TAPT1: variants seen among roughly 807,000 people sequenced by gnomAD.
The protein encoded by TAPT1 is transmembrane anterior posterior transformation 1, also known as transmembrane anterior posterior transformation protein 1 homolog.
In TAPT1, 28 loss-of-function variants were observed where a neutral mutation model predicts 65.6. The ratio of observed to expected loss-of-function variants is 0.43; its 90% CI spans 0.32 to 0.59. TAPT1 has a LOEUF of 0.59. Among genes scored for constraint, TAPT1 ranks in the 20% least tolerant of loss-of-function variants. TAPT1 has a pLI of 0.09. For missense variants in TAPT1, 563 were observed against 679.9 expected, an observed-to-expected ratio of 0.83 and a Z score of 1.91; for synonymous variants, 278 against 245.2, an observed-to-expected ratio of 1.13 and a Z score of -1.25.
At chr4:16,196,454 A>C (rs539249476) in intron 3 of TAPT1, among the ~76,000 whole-genome samples, 1 of 152,242 alleles carries the variant, frequency 6.6e-6, no homozygotes. Context: ...TGTTAGGTGA[A>C]ATCACAGTCA....
chr4:16,212,557 C>G (rs767744844), intron 2 of TAPT1, among the ~76,000 whole-genome samples: 1 of 152,218 alleles, frequency 6.6e-6, no homozygotes, highest in Non-Finnish European at 1.5e-5. Context: ...GCTGTTGCTG[C>G]GCTGGAGAGG....
chr4:16,198,970 T>C (rs1749877544), intron 3 of TAPT1, among the ~76,000 whole-genome samples: 1 of 152,116 alleles, frequency 6.6e-6, no homozygotes, highest in Non-Finnish European at 1.5e-5. Context: ...GAAACAAAAA[T>C]TGCAGCCTAT....
At chr4:16,217,530 T>C (rs923862906) in intron 1 of TAPT1, among the ~76,000 whole-genome samples, 1 of 152,214 alleles carries the variant, frequency 6.6e-6, no homozygotes. Flanking sequence ...TAAACTTTCA[T>C]GTGGGTGATT....
At position 16,179,786 on chromosome 4, in the gene TAPT1, CT is replaced by C. The variant is rs201873929; in HGVS notation, c.917-130del. 6.9e-3 allele frequency: 3,035 copies of C among 439,224 alleles called. 77 individuals are homozygous for C. In the African/African-American group the frequency reaches 0.071, roughly 10 times the overall value. 27.2% of individuals were successfully genotyped at this position (439,224 alleles called of 1,614,324 possible). On this transcript the variant is annotated intron_variant, in intron 7 of 13. Transcript: ENST00000405303. ...TGTATAAATGTCTATAAATATACAA[CT>C]TTATATATATATATATGTGTGTGTG...
At chr4:16,226,482 C>G, upstream of TAPT1, 2 of 1,048,972 alleles carry the variant, frequency 1.9e-6, no homozygotes, top group African/African-American at 3.4e-5. Context: ...AAACTGTCCC[C>G]GCCGCCTCCC....
chr4:16,185,357 T>C (rs1748945483), intron 7 of TAPT1, among the ~76,000 whole-genome samples: 1 of 151,868 alleles, frequency 6.6e-6, no homozygotes, highest in Admixed American at 6.6e-5. Flanking sequence ...AAAAGTCCTT[T>C]GGAATCATCG....
chr4:16,226,585 C>A (rs577006870), upstream of TAPT1: 75 of 578,572 alleles, frequency 1.3e-4, no homozygotes, highest in African/African-American at 1.3e-3. Flanking sequence ...ATCCGCGGCC[C>A]GCCGACCGGC....
chr4:16,225,787 A>C, intron 1 of TAPT1: 3 of 657,202 alleles, frequency 4.6e-6, no homozygotes, highest in Non-Finnish European at 5.7e-6. Context: ...CCACACCGTC[A>C]GCTGTCTGTG....
At chr4:16,200,436 C>T (rs1749962327) in intron 3 of TAPT1, among the ~76,000 whole-genome samples, 1 of 152,172 alleles carries the variant, frequency 6.6e-6, no homozygotes, top group Non-Finnish European at 1.5e-5. Context: ...GATTTTCCAA[C>T]CTCTCAGCCT....
At chr4:16,226,236 C>T in intron 1 of TAPT1, 23 bp downstream of exon 1, 1 of 1,110,318 alleles carries the variant, frequency 9.0e-7, no homozygotes, top group East Asian at 4.9e-5. Flanking sequence ...GAGCCCGCCA[C>T]GGCCTAGCGC....
chr4:16,203,689 C>T (rs917713116), intron 2 of TAPT1, among the ~76,000 whole-genome samples: 3 of 152,070 alleles, frequency 2.0e-5, no homozygotes, highest in Non-Finnish European at 4.4e-5. Context: ...AAGAAACTAC[C>T]CCACTGACAC....
chr4:16,187,720 G>C (rs571370403), intron 5 of TAPT1, among the ~76,000 whole-genome samples: 1 of 152,240 alleles, frequency 6.6e-6, no homozygotes, highest in East Asian at 1.9e-4. Flanking sequence ...TGCTTATACA[G>C]TAAAGCACTT....
intron 5 of TAPT1, among the ~76,000 whole-genome samples, chr4:16,187,971 T>C (rs1328135923): frequency 1.3e-5 from 2 of 152,188 alleles, no homozygotes; most frequent in Non-Finnish European, 2.9e-5. Context: ...ATAAAAGTCT[T>C]CCTTATAATC....
intron 1 of TAPT1, among the ~76,000 whole-genome samples, chr4:16,215,415 G>A (rs1264605878): frequency 1.3e-5 from 2 of 152,106 alleles, no homozygotes; most frequent in Non-Finnish European, 1.5e-5. Context: ...GCATTAAAAC[G>A]GATTCCTGGT....
At chr4:16,164,835 C>T (rs1398401196) in intron 13 of TAPT1, among the ~76,000 whole-genome samples, 2 of 152,132 alleles carry the variant, frequency 1.3e-5, no homozygotes, top group African/African-American at 4.8e-5. Flanking sequence ...TAATAGTGTT[C>T]TTATAATGAA....
At chr4:16,195,912 G>A (rs553644215) in intron 3 of TAPT1, among the ~76,000 whole-genome samples, 1 of 152,318 alleles carries the variant, frequency 6.6e-6, no homozygotes, top group African/African-American at 2.4e-5. Context: ...GAGAATCCCT[G>A]CATAGTTATT....
chr4:16,218,075 T>G (rs1212736141), intron 1 of TAPT1, among the ~76,000 whole-genome samples: 1 of 152,222 alleles, frequency 6.6e-6, no homozygotes, highest in East Asian at 1.9e-4. Context: ...TACTGCACAA[T>G]CATTTTCAAT....
At chr4:16,176,289 G>A (rs1748319031) in intron 8 of TAPT1, 61 bp from the exon 9 acceptor site, 2 of 786,104 alleles carry the variant, frequency 2.5e-6, no homozygotes, top group Non-Finnish European at 2.0e-6. Context: ...CCATATCACA[G>A]GCTACCAGAG....
chr4:16,217,635 GAATT>G (rs1470205081), intron 1 of TAPT1, among the ~76,000 whole-genome samples: 2 of 152,130 alleles, frequency 1.3e-5, no homozygotes, highest in Non-Finnish European at 2.9e-5. Flanking sequence ...AACAAAACTG[GAATT>G]AATCAAAATG....
Sources: allele counts gnomAD v4.1 joint callset (sites outside exome capture counted in the v4.1 genomes callset), GRCh38; gene constraint gnomAD v4.1.1; transcripts MANE v1.5; gene names NCBI Gene and HGNC (gene_info 2026-07-23, HGNC 2026-07-21).